Variants in CUL9 observed in about 807,000 individuals in gnomAD.
CUL9 encodes cullin 9.
CUL9 carries 79 observed loss-of-function variants against 272.6 expected under a neutral mutation model. That is an observed-to-expected ratio of 0.29 (90% CI 0.24 to 0.35). CUL9 has a LOEUF of 0.35. Among genes scored for constraint, CUL9 ranks in the 10% least tolerant of loss-of-function variants. The pLI is 1.00. For synonymous variants in CUL9, 1,186 were observed against 1,286.5 expected (o/e 0.92, Z 1.67); for missense variants, 2,532 against 3,255.6 (o/e 0.78, Z 5.41).
chr6:43,194,342 G>A (rs868464619), intron 9 of CUL9, among the ~76,000 whole-genome samples: 32 of 147,844 alleles, frequency 2.2e-4, no homozygotes, highest in African/African-American at 8.0e-4. Context: ...TTTCTTTGAC[G>A]GAGTCTTGCT....
chr6:43,203,240 G>A lies in CUL9; in HGVS notation c.3849+36G>A, dbSNP rs991412899. On this transcript the variant is annotated intron_variant, in intron 18 of 40. Transcript: ENST00000252050. This position sits in a 1 kb window ranked among gnomAD's most constrained non-coding sequence, Gnocchi z 5.0. ...GGTGTCAGCCAGGGCTGAGGAGGAG[G>A]AGGTGGCACACAAGTTTCTCCTTGA... is the stretch of plus-strand genomic sequence containing the variant. The A allele has an allele frequency of 1.9e-6, 3 of 1,611,556 alleles. No individual in the cohort carries two copies. The highest frequency in any genetic ancestry group is 2.2e-5 in the East Asian group (1 of 44,844).
rs1562060122 is a variant in CUL9, at chr6:43,218,356, A to G, written c.6282+1853A>G. ...CTCAGCCTCCCGAGTAGCTGGGACT[A>G]TAGGCGCCCGCCACCGCGCCCGGCT... On this transcript the variant is annotated intron_variant, in intron 31 of 40. Coordinates refer to ENST00000252050, the MANE Select transcript of CUL9 (RefSeq NM_015089.4). The surrounding 1 kb of genome is among the most constrained non-coding windows in gnomAD (Gnocchi z 4.4). Among the ~76,000 whole-genome samples the G allele has an allele frequency of 1.3e-5, 2 of 152,044 alleles. No individual in the cohort carries two copies. Among genetic ancestry groups the G allele is most frequent in the African/African-American group, 4.8e-5 (2 of 41,412 alleles).
At position 43,203,631 on chromosome 6, in the gene CUL9, A is replaced by G. The variant is rs763300057; in HGVS notation, c.4025+39A>G. ...GAGGAGGGAAGATGGGTAAGGGAAC[A>G]GGACACTGTGAGAAGTAGGAGGGAT... On this transcript the variant is annotated intron_variant, in intron 19 of 40. Coordinates refer to ENST00000252050, the MANE Select transcript of CUL9 (RefSeq NM_015089.4). The surrounding 1 kb of genome is among the most constrained non-coding windows in gnomAD (Gnocchi z 5.0). 146 of 1,597,090 alleles carry G rather than the reference A, an allele frequency of 9.1e-5. 1 individual carries two copies. The highest frequency in any genetic ancestry group is 6.6e-4 in the Admixed American group (39 of 59,054).
rs1775670292 is a variant in CUL9 at position 43,213,319 on chromosome 6, T to C, written c.5358+25T>C. 6.2e-7 allele frequency: 1 copy of C among 1,613,132 alleles called. No individual in the cohort carries two copies. Among genetic ancestry groups the C allele is most frequent in the South Asian group, 1.1e-5 (1 of 91,008 alleles). On this transcript the variant is annotated intron_variant, in intron 27 of 40. Coordinates refer to ENST00000252050, the MANE Select transcript of CUL9 (RefSeq NM_015089.4). The surrounding 1 kb of genome is among the most constrained non-coding windows in gnomAD (Gnocchi z 5.7). ...GGTGCTTCAGCCCTTAGCCTCTCTC[T>C]GCCTTCTCTGCTACCTTATCTGTCG...
Position 43,187,309 on chromosome 6 carries a change from A to C in CUL9, c.1451A>C (p.Glu484Ala), listed in dbSNP as rs201152324. ...GLYPLPYLQP[E>A]PQKNERVGYL... ...TACCCTTTGCCGTACCTCCAGCCCG[A>C]ACCTCAGAAGAATGAGAGAGTGGGA... The change falls in exon 6 of 41, where the codon GAA (glutamate) becomes GCA (alanine). Residue 484 changes from glutamate to alanine, a missense_variant. Transcript: ENST00000252050. The C allele has an allele frequency of 6.2e-6, 10 of 1,614,014 alleles. No individual in the cohort carries two copies. The highest frequency in any genetic ancestry group is 1.3e-5 in the African/African-American group (1 of 74,912).
At position 43,217,153 on chromosome 6, in the gene CUL9, C is replaced by T. The variant is rs886225492; in HGVS notation, c.6282+650C>T. Among the ~76,000 whole-genome samples, 9 of 152,122 alleles carry T rather than the reference C, an allele frequency of 5.9e-5. No homozygotes were observed. In the East Asian group the frequency reaches 1.2e-3, roughly 20 times the overall value. On this transcript the variant is annotated intron_variant, in intron 31 of 40. Transcript: ENST00000252050. ...GGCAGATTGCTTGAGCCCAGGAGTT[C>T]GAGACCAGCCTGGGCAACATGGCAA...
intron 31 of CUL9, among the ~76,000 whole-genome samples, chr6:43,219,688 C>T (rs961581761): frequency 6.6e-6 from 1 of 152,134 alleles, no homozygotes; most frequent in Non-Finnish European, 1.5e-5. Flanking sequence ...TGGCCATAGG[C>T]AGTGTGAGAG....
Position 43,186,165 on chromosome 6 carries a change from C to G in CUL9, c.961C>G (p.Arg321Gly). 6.2e-7 allele frequency: 1 copy of G among 1,614,196 alleles called. No individual in the cohort carries two copies. Among genetic ancestry groups the G allele is most frequent in the Non-Finnish European group, 8.5e-7 (1 of 1,180,024 alleles). ...GCTTGTGCGGAGCATGGGCTGGGCC[C>G]GGAACCTCAGCGAACAGGGCATGTC... Reference protein sequence around the residue: ...SELVRSMGWARNLSEQGMSPP... With the variant: ...SELVRSMGWAGNLSEQGMSPP... The change falls in exon 4 of 41, where the codon CGG becomes GGG. Residue 321 changes from arginine to glycine, a missense_variant. Arg to Gly is a moderately radical substitution (Grantham distance 125, BLOSUM62 -2). This residue lies in a region of CUL9 where 2,218 missense variants were observed against 2,788.6 expected (regional missense o/e 0.80). Transcript: ENST00000252050.
chr6:43,188,194 C>T (rs749060666), intron 7 of CUL9, 76 bp downstream of exon 7: 310 of 1,537,656 alleles, frequency 2.0e-4, no homozygotes, highest in Non-Finnish European at 2.6e-4. Context: ...TAGTCAGGAT[C>T]GAAGGAAAGC....
rs761120222 is a variant in CUL9, at chr6:43,220,630, T to C, written c.6423+31T>C. 5 of 1,612,794 alleles carry C rather than the reference T, an allele frequency of 3.1e-6. No homozygotes were observed. The African/African-American group carries it at 6.7e-5, about 22-fold the overall frequency. ...CCCTCTCGTCTGAGAGAGGCTCCAGTGCAGAGCCAAAGGAGTGTGCCCCAG... is the reference window on the plus strand; with the variant it reads ...CCCTCTCGTCTGAGAGAGGCTCCAGCGCAGAGCCAAAGGAGTGTGCCCCAG... On this transcript the variant is annotated intron_variant, in intron 32 of 40. Coordinates refer to ENST00000252050, the MANE Select transcript of CUL9 (RefSeq NM_015089.4). The surrounding 1 kb of genome is among the most constrained non-coding windows in gnomAD (Gnocchi z 4.9).
chr6:43,211,355 T>A (rs764876960), intron 26 of CUL9, among the ~76,000 whole-genome samples: 1 of 152,030 alleles, frequency 6.6e-6, no homozygotes, highest in Non-Finnish European at 1.5e-5. Flanking sequence ...GTCAGGAGTT[T>A]CAGAGCAGCC....
rs946249608 is a variant in CUL9, at chr6:43,222,893, C to G, written c.7147C>G (p.Leu2383Val). Residue 2383 changes from leucine (L) to valine (V), a missense_variant, in exon 38 of 41, where the codon CTG (leucine) becomes GTG (valine). Leu to Val is a conservative substitution (Grantham distance 32, BLOSUM62 1). This residue lies in a region of CUL9 where 237 missense variants were observed against 305.9 expected (regional missense o/e 0.77). Coordinates refer to ENST00000252050, the MANE Select transcript of CUL9 (RefSeq NM_015089.4). ...ELHTNALQILLEETLLRCRDL... is the reference protein window; with the variant it reads ...ELHTNALQILVEETLLRCRDL... ...GCACACCAATGCCCTGCAGATCCTC[C>G]TGGGTGAGCCACCCCTGCCAGCCAG... 6.2e-7 allele frequency: 1 copy of G among 1,612,852 alleles called. No individual in the cohort carries two copies.
chr6:43,187,151 G>A (rs1773009659), intron 5 of CUL9, 56 bp downstream of exon 5: 2 of 1,606,690 alleles, frequency 1.2e-6, no homozygotes, highest in African/African-American at 1.3e-5. Context: ...TTAGTGACTG[G>A]GATGAAGCCA....
chr6:43,210,223 C>T (rs991517181), intron 26 of CUL9, among the ~76,000 whole-genome samples: 1 of 152,072 alleles, frequency 6.6e-6, no homozygotes, highest in Non-Finnish European at 1.5e-5. Flanking sequence ...GTGAACTGCC[C>T]ACCTTGGCCT....
chr6:43,199,240 T>C lies in CUL9; in HGVS notation c.3051-26T>C, dbSNP rs768677099. On this transcript the variant is annotated intron_variant, in intron 12 of 40. Coordinates refer to ENST00000252050, the MANE Select transcript of CUL9 (RefSeq NM_015089.4). This position sits in a 1 kb window ranked among gnomAD's most constrained non-coding sequence, Gnocchi z 4.4. ...CATGAGCCACTGTGCCTGGCCTGACTTCACTCGTTTCTACCCCCTCACCAG... is the reference window on the plus strand; with the variant it reads ...CATGAGCCACTGTGCCTGGCCTGACCTCACTCGTTTCTACCCCCTCACCAG... The C allele has an allele frequency of 1.3e-6, 2 of 1,584,738 alleles. No homozygotes were observed. Among genetic ancestry groups the C allele is most frequent in the Admixed American group, 1.7e-5 (1 of 59,870 alleles).
intron 26 of CUL9, among the ~76,000 whole-genome samples, chr6:43,209,147 C>CTT (rs59098026): frequency 1.9e-4 from 25 of 131,040 alleles, no homozygotes; most frequent in Admixed American, 6.2e-4. Flanking sequence ...TTCTTTCTTT[C>CTT]TTTTTTTTTT....
In CUL9 at chr6:43,184,786, C is replaced by T. The variant is rs1772760903; in HGVS notation, c.476C>T (p.Thr159Ile). The part of the protein sequence containing the change: ...LSAYASIGPL[T>I]GVFRETGALD... ...GCCTACGCCAGCATCGGGCCCCTCA[C>T]TGGTGTCTTCAGGGAGACAGGAGCC... The change falls in exon 2 of 41, where the codon ACT becomes ATT. Residue 159 changes from threonine (T) to isoleucine (I), a missense_variant. Coordinates refer to ENST00000252050, the MANE Select transcript of CUL9 (RefSeq NM_015089.4). The surrounding 1 kb of genome is among the most constrained non-coding windows in gnomAD (Gnocchi z 4.8). 1 of 1,614,140 alleles carries T rather than the reference C, an allele frequency of 6.2e-7. No individual in the cohort carries two copies. Among genetic ancestry groups the T allele is most frequent in the Middle Eastern group, 1.6e-4 (1 of 6,062 alleles).
At position 43,199,382 on chromosome 6, in the gene CUL9, C is replaced by G. The variant is rs552743925; in HGVS notation, c.3156+11C>G. 1.9e-6 allele frequency: 3 copies of G among 1,605,610 alleles called. No homozygotes were observed. Among genetic ancestry groups the G allele is most frequent in the South Asian group, 2.2e-5 (2 of 90,904 alleles). Reference sequence around the variant, plus strand: ...AGCAGTGACTCCGAGGTACCAGAACCCTGGCAAGGAGAAGAGAGGGAAGGG... The same window carrying G: ...AGCAGTGACTCCGAGGTACCAGAACGCTGGCAAGGAGAAGAGAGGGAAGGG... On this transcript the variant is annotated intron_variant, in intron 13 of 40. Coordinates refer to ENST00000252050, the MANE Select transcript of CUL9 (RefSeq NM_015089.4). This position sits in a 1 kb window ranked among gnomAD's most constrained non-coding sequence, Gnocchi z 4.4.
chr6:43,189,803 G>A (rs1158854726), intron 8 of CUL9, among the ~76,000 whole-genome samples: 2 of 152,136 alleles, frequency 1.3e-5, no homozygotes, highest in Non-Finnish European at 2.9e-5. Context: ...CAAAGTGCTG[G>A]GATTACAGGT....
Sources: allele counts gnomAD v4.1 joint callset (sites outside exome capture counted in the v4.1 genomes callset), GRCh38; gene constraint gnomAD v4.1.1; regional missense constraint gnomAD v4.1.1; non-coding constraint Gnocchi (gnomAD v3.1); transcripts MANE v1.5; gene names NCBI Gene and HGNC (gene_info 2026-07-23, HGNC 2026-07-21).